Variants in ARHGEF11 observed in about 807,000 individuals in gnomAD.
ARHGEF11 encodes the protein Rho guanine nucleotide exchange factor 11.
Under a neutral mutation model 193.7 loss-of-function variants are expected in ARHGEF11, and 55 were observed. The observed-to-expected ratio is 0.28, with a 90% CI of 0.23 to 0.36. The LOEUF (loss-of-function observed/expected upper bound fraction) is 0.36, where lower values mean the gene tolerates loss of function less well. Ranked by LOEUF, ARHGEF11 falls within the 10% of genes least tolerant of loss-of-function variation. The probability of loss-of-function intolerance (pLI) is 1.00; values close to 1 mark genes in which losing one functional copy is unlikely to be tolerated. For synonymous variants in ARHGEF11, 693 were observed against 768.0 expected, an observed-to-expected ratio of 0.90 and a Z score of 1.62; for missense variants, 1,723 against 2,005.6, an observed-to-expected ratio of 0.86 and a Z score of 2.69.
intron 1 of ARHGEF11, among the ~76,000 whole-genome samples, chr1:156,996,797 C>A (rs12126702): frequency 0.15 from 16,655 of 110,156 alleles, 1,829 homozygotes; most frequent in East Asian, 0.43. Flanking sequence ...AAAAAAAAGA[C>A]AAGGGTCTCC....
At chr1:157,000,104 G>C (rs1572411) in intron 1 of ARHGEF11, among the ~76,000 whole-genome samples, 2 of 152,110 alleles carry the variant, frequency 1.3e-5, no homozygotes, top group Non-Finnish European at 2.9e-5. Context: ...GCTGGAATTA[G>C]AGCGTGTGTC....
intron 8 of ARHGEF11, among the ~76,000 whole-genome samples, chr1:156,971,067 C>T (rs1231692950): frequency 6.6e-6 from 1 of 152,142 alleles, no homozygotes; most frequent in East Asian, 1.9e-4. Flanking sequence ...TTCTTGGAGA[C>T]CTTAAAGTTT....
chr1:156,975,036 G>A (rs1280831325), intron 7 of ARHGEF11, among the ~76,000 whole-genome samples: 1 of 152,142 alleles, frequency 6.6e-6, no homozygotes, highest in Non-Finnish European at 1.5e-5. Flanking sequence ...CCTGGGAGTG[G>A]AACTGCTGGG....
chr1:156,961,626 A>C, intron 14 of ARHGEF11, 51 bp downstream of exon 14: 1 of 1,526,972 alleles, frequency 6.5e-7, no homozygotes, highest in East Asian at 2.3e-5. Flanking sequence ...CCTGCCTCTG[A>C]GTAGTTCAAA....
chr1:156,947,118 G>C (rs910819900), intron 26 of ARHGEF11, 103 bp from the exon 27 acceptor site: 61 of 1,517,332 alleles, frequency 4.0e-5, no homozygotes, highest in Non-Finnish European at 5.3e-5. Context: ...GCCATGGGAA[G>C]GGTCTGGAAA....
At chr1:156,979,812 G>A (rs1287428423) in intron 4 of ARHGEF11, among the ~76,000 whole-genome samples, 2 of 152,220 alleles carry the variant, frequency 1.3e-5, no homozygotes, top group Non-Finnish European at 2.9e-5. Context: ...TCAAGGACAA[G>A]ACCTGTGTCT....
At chr1:156,986,244 T>G in intron 1 of ARHGEF11, 71 bp from the exon 2 acceptor site, 1 of 1,361,304 alleles carries the variant, frequency 7.3e-7, no homozygotes, top group Non-Finnish European at 1.0e-6. Flanking sequence ...AGATGGAGGC[T>G]CTGTCAAAAG....
chr1:157,036,202 TATAC>T lies in ARHGEF11; in HGVS notation c.32+8093_32+8096del, dbSNP rs1406310274. Among the ~76,000 whole-genome samples the T allele has an allele frequency of 2.1e-3, 290 of 138,230 alleles. 2 individuals carry two copies. The highest frequency in any genetic ancestry group is 7.2e-3 in the Middle Eastern group (2 of 276). The allele number at this position is 138,230 out of a possible 152,430, so 90.7% of individuals were successfully genotyped here. A position where few individuals can be genotyped will look rare whatever the true frequency, so the allele number is the denominator to read the frequency against. ...ATATATGAATACATATATGAATATA[TATAC>T]ATATATATATATGGCTGATTAATCA... On this transcript the variant is annotated intron_variant, in intron 1 of 40. Coordinates refer to ENST00000368194, the MANE Select transcript of ARHGEF11 (RefSeq NM_198236.3).
chr1:156,997,890 T>C (rs1666747730), intron 1 of ARHGEF11, among the ~76,000 whole-genome samples: 1 of 152,126 alleles, frequency 6.6e-6, no homozygotes, highest in African/African-American at 2.4e-5. Flanking sequence ...AATGTTAAAT[T>C]ACATGTGGTT....
Position 156,945,216 on chromosome 1 carries a change from G to A in ARHGEF11, c.2813-19C>T, listed in dbSNP as rs1657894978. On this transcript the variant is annotated intron_variant, in intron 29 of 40. Coordinates refer to ENST00000368194, the MANE Select transcript of ARHGEF11 (RefSeq NM_198236.3). ...GTGCCACCTACCAAAATGGACAGAA[G>A]AGATGGTTGGGGCTCCTGCCTGAGA... The A allele has an allele frequency of 6.2e-7, 1 of 1,608,972 alleles. No homozygotes were observed.
intron 32 of ARHGEF11, among the ~76,000 whole-genome samples, chr1:156,943,664 C>G (rs1273916172): frequency 6.6e-6 from 1 of 152,348 alleles, no homozygotes; most frequent in Middle Eastern, 3.4e-3. Context: ...TCTCACCCAT[C>G]CTGGGTGTGC....
At chr1:157,030,366 C>T (rs1170493619) in intron 1 of ARHGEF11, among the ~76,000 whole-genome samples, 1 of 152,026 alleles carries the variant, frequency 6.6e-6, no homozygotes, top group African/African-American at 2.4e-5. Flanking sequence ...CCAGCCCCAG[C>T]GTGCCACTCT....
In ARHGEF11 at chr1:156,935,975, G is replaced by A. The variant is rs370106134; in HGVS notation, c.*25C>T. 216 of 1,604,192 alleles carry A rather than the reference G, an allele frequency of 1.3e-4. No individual in the cohort carries two copies. The highest frequency in any genetic ancestry group is 1.7e-4 in the Non-Finnish European group (204 of 1,174,004). On this transcript the variant is annotated 3_prime_UTR_variant, in exon 41 of 41. Coordinates refer to ENST00000368194, the MANE Select transcript of ARHGEF11 (RefSeq NM_198236.3). ...CAGTCCCTGAAGGAGGAGTGGGGAC[G>A]CAGAGGATTTGGTGGTTTGTACGGT...
rs1182054966 is a variant in ARHGEF11, at chr1:156,940,442, A to C, written c.3515-17T>G. ...ACCCAGTGCCTGTTTCGGATGAGAGAAGATTGTAAGGCAGGGAAAGGGAGA... is the reference window on the plus strand; with the variant it reads ...ACCCAGTGCCTGTTTCGGATGAGAGCAGATTGTAAGGCAGGGAAAGGGAGA... On this transcript the variant is annotated splice_polypyrimidine_tract_variant and intron_variant, in intron 35 of 40. Coordinates refer to ENST00000368194, the MANE Select transcript of ARHGEF11 (RefSeq NM_198236.3). 2.5e-6 allele frequency: 4 copies of C among 1,588,260 alleles called. No individual in the cohort carries two copies.
In ARHGEF11 at chr1:156,935,152, G is replaced by GT. The variant is rs1557802106; in HGVS notation, c.*847dup. On this transcript the variant is annotated 3_prime_UTR_variant, in exon 41 of 41. Coordinates refer to ENST00000368194, the MANE Select transcript of ARHGEF11 (RefSeq NM_198236.3). ...CTCCTGGGGCCCAGTCCTCAGCTCC[G>GT]TACCTGCTTCACTGGTTTTCTACAG... is the stretch of plus-strand genomic sequence containing the variant. The GT allele has an allele frequency of 6.6e-6, 1 of 152,456 alleles. No homozygotes were observed. Among genetic ancestry groups the GT allele is most frequent in the East Asian group, 1.9e-4 (1 of 5,180 alleles). The allele number at this position is 152,456 out of a possible 1,614,324, so 9.4% of individuals were successfully genotyped here.
At chr1:157,044,161 A>C (rs1558004044) in intron 1 of ARHGEF11, 138 bp downstream of exon 1, 1 of 785,232 alleles carries the variant, frequency 1.3e-6, no homozygotes, top group East Asian at 2.5e-5. Context: ...GACAGTCCCC[A>C]GAGACTAATG....
chr1:157,005,756 T>C (rs560890526), intron 1 of ARHGEF11, among the ~76,000 whole-genome samples: 2 of 152,352 alleles, frequency 1.3e-5, no homozygotes, highest in East Asian at 3.9e-4. Context: ...TTTCAAGTTA[T>C]ATTTCACACA....
At position 156,996,589 on chromosome 1, in the gene ARHGEF11, C is replaced by T. The variant is rs890039603; in HGVS notation, c.33-10416G>A. ...GAGATTGAGACCATCCTGGCTAACACGGTGAAACCCCGTCTCTACTAAAAA... is the reference window on the plus strand; with the variant it reads ...GAGATTGAGACCATCCTGGCTAACATGGTGAAACCCCGTCTCTACTAAAAA... On this transcript the variant is annotated intron_variant, in intron 1 of 40. Transcript: ENST00000368194. Among the ~76,000 whole-genome samples, 9 of 151,726 alleles carry T rather than the reference C, an allele frequency of 5.9e-5. No homozygotes were observed. The South Asian group carries it at 1.0e-3, about 18-fold the overall frequency.
intron 1 of ARHGEF11, among the ~76,000 whole-genome samples, chr1:157,004,834 G>A (rs1667632520): frequency 6.6e-6 from 1 of 152,122 alleles, no homozygotes; most frequent in Non-Finnish European, 1.5e-5. Flanking sequence ...CCCCCCAAAC[G>A]TAAAAATAAA....
Sources: gnomAD v4.1 joint callset for allele counts (sites outside exome capture counted in the v4.1 genomes callset) on GRCh38, gnomAD v4.1.1 for gene constraint, MANE v1.5 for transcripts, NCBI Gene and HGNC (gene_info 2026-07-23, HGNC 2026-07-21) for gene names.